HBG2: variants seen among roughly 807,000 people sequenced by gnomAD.
HBG2 encodes the protein hemoglobin subunit gamma-2.
For missense variants in HBG2, 59 were observed against 155.7 expected (o/e 0.38, Z 3.31); for synonymous variants, 25 against 63.2 (o/e 0.40, Z 2.87).
At position 5,253,490 on chromosome 11, in the gene HBG2, C is replaced by A. The variant is rs113425530; in HGVS notation, c.316-85G>T. The A allele has an allele frequency of 0.024, 29,576 of 1,256,642 alleles. 870 individuals carry two copies. In the African/African-American group the frequency reaches 0.29, roughly 12 times the overall value. 77.8% of individuals were successfully genotyped at this position (1,256,642 alleles called of 1,614,324 possible). A position where few individuals can be genotyped will look rare whatever the true frequency, so the allele number is the denominator to read the frequency against. ...GGCCTCCAGATAACTACACACCAAGCTTCCACCCAGAATCAAGCCTATGTT... is the reference window on the plus strand; with the variant it reads ...GGCCTCCAGATAACTACACACCAAGATTCCACCCAGAATCAAGCCTATGTT... On this transcript the variant is annotated intron_variant, in intron 2 of 2. Transcript: ENST00000336906.
rs765691029 is a variant in HBG2 at position 5,253,363 on chromosome 11, C to T, written c.358G>A (p.Gly120Ser). 4.6e-5 allele frequency: 74 copies of T among 1,613,494 alleles called. No homozygotes were observed. The highest frequency in any genetic ancestry group is 6.0e-5 in the Non-Finnish European group (71 of 1,179,724). ...TGCACCTCAGGGGTGAATTCTTTGC[C>T]GAAATGGATTGCCAAAACGGTCACC... is the stretch of plus-strand genomic sequence containing the variant. ...VLVTVLAIHF[G>S]KEFTPEVQAS... The change falls in exon 3 of 3, where the codon GGC becomes AGC. Residue 120 changes from glycine (G) to serine (S), a missense_variant. Coordinates refer to ENST00000336906, the MANE Select transcript of HBG2 (RefSeq NM_000184.3).
intron 2 of HBG2, among the ~76,000 whole-genome samples, chr11:5,253,698 GCACA>G (rs1554922324): frequency 9.7e-5 from 13 of 134,552 alleles, no homozygotes; most frequent in South Asian, 5.0e-4. Flanking sequence ...ACACACGCGC[GCACA>G]CACACACACA....
At chr11:5,254,245 T>A in intron 2 of HBG2, 47 bp downstream of exon 2, 3 of 1,613,594 alleles carry the variant, frequency 1.9e-6, no homozygotes, top group Non-Finnish European at 2.5e-6. Flanking sequence ...TTGTCTAAGT[T>A]GCCTCGAGAC....
chr11:5,253,230 G>C lies in HBG2; in HGVS notation c.*47C>G, dbSNP rs1395104494. On this transcript the variant is annotated 3_prime_UTR_variant, in exon 3 of 3. Coordinates refer to ENST00000336906, the MANE Select transcript of HBG2 (RefSeq NM_000184.3). ...GAATAGATTTATTATTTGATTGCTTGCAGAATAAAGCCTATCCTTGAAAGC... is the reference window on the plus strand; with the variant it reads ...GAATAGATTTATTATTTGATTGCTTCCAGAATAAAGCCTATCCTTGAAAGC... 68 of 1,610,694 alleles carry C rather than the reference G, an allele frequency of 4.2e-5. No homozygotes were observed. The highest frequency in any genetic ancestry group is 5.4e-5 in the Non-Finnish European group (63 of 1,177,078).
At position 5,254,358 on chromosome 11, in the gene HBG2, C is replaced by G. The variant is rs1417836676; in HGVS notation, c.249G>C (p.Lys83Asn). 1 of 1,614,190 alleles carries G rather than the reference C, an allele frequency of 6.2e-7. No homozygotes were observed. Among genetic ancestry groups the G allele is most frequent in the South Asian group, 1.1e-5 (1 of 91,092 alleles). ...GTTCACTCAGCTGGGCAAAGGTGCC[C>G]TTGAGATCATCCAGGTGCTTTATGG... ...GDAIKHLDDLKGTFAQLSELH... is the reference protein window; with the variant it reads ...GDAIKHLDDLNGTFAQLSELH... The change falls in exon 2 of 3, where the codon AAG becomes AAC. Residue 83 changes from lysine to asparagine, a missense_variant. Transcript: ENST00000336906.
At position 5,254,429 on chromosome 11, in the gene HBG2, T is replaced by C. The variant is rs28933078; in HGVS notation, c.178A>G (p.Lys60Glu). The C allele has an allele frequency of 4.3e-6, 7 of 1,614,162 alleles. No homozygotes were observed. The highest frequency in any genetic ancestry group is 5.9e-6 in the Non-Finnish European group (7 of 1,180,064). The change falls in exon 2 of 3, where the codon AAA (lysine) becomes GAA (glutamate). Residue 60 changes from lysine to glutamate, a missense_variant. Physicochemically the swap from Lys to Glu is moderately conservative, Grantham distance 56. Transcript: ENST00000336906. ...ACCTTCTTGCCATGTGCCTTGACTTTGGGGTTGCCCATGATGGCAGAGGCA... is the reference window on the plus strand; with the variant it reads ...ACCTTCTTGCCATGTGCCTTGACTTCGGGGTTGCCCATGATGGCAGAGGCA... ...SSASAIMGNP[K>E]VKAHGKKVLT...
rs1390974131 is a variant in HBG2, at chr11:5,254,193, T to C, written c.315+99A>G. The C allele has an allele frequency of 2.0e-6, 3 of 1,513,702 alleles. No homozygotes were observed. The East Asian group carries it at 6.8e-5, about 34-fold the overall frequency. 93.8% of individuals were successfully genotyped at this position (1,513,702 alleles called of 1,614,324 possible). A position where few individuals can be genotyped will look rare whatever the true frequency, so the allele number is the denominator to read the frequency against. On this transcript the variant is annotated intron_variant, in intron 2 of 2. Transcript: ENST00000336906. ...TTTCTTCACTCCCAACCCCAGTATC[T>C]TCAAACAGCTCACACCCTGCTGTGC...
At position 5,254,152 on chromosome 11, in the gene HBG2, A is replaced by G. The variant is rs551383940; in HGVS notation, c.315+140T>C. ...AAACATTGCCACTGGGTCTCAGCCC[A>G]GTTAGTCCTCTGCAGTTTCTTCACT... is the stretch of plus-strand genomic sequence containing the variant. On this transcript the variant is annotated intron_variant, in intron 2 of 2. Coordinates refer to ENST00000336906, the MANE Select transcript of HBG2 (RefSeq NM_000184.3). 150 of 1,047,474 alleles carry G rather than the reference A, an allele frequency of 1.4e-4. 6 individuals are homozygous for G. In the South Asian group the frequency reaches 1.9e-3, roughly 14 times the overall value. 64.9% of individuals were successfully genotyped at this position (1,047,474 alleles called of 1,614,324 possible). A position where few individuals can be genotyped will look rare whatever the true frequency, so the allele number is the denominator to read the frequency against.
intron 2 of HBG2, among the ~76,000 whole-genome samples, chr11:5,253,772 C>G (rs1245901287): frequency 6.6e-6 from 1 of 151,160 alleles, no homozygotes; most frequent in African/African-American, 2.4e-5. Context: ...TGTTCCTCAC[C>G]CCTGGACATA....
Position 5,254,625 on chromosome 11 carries a change from AC to A in HBG2, c.92+11del, listed in dbSNP as rs1406103539. On this transcript the variant is annotated intron_variant, in intron 1 of 2. Transcript: ENST00000336906. The stretch of plus-strand genomic sequence containing the variant: ...CTTCCTTCCCTCCCTTGTCCTGGTC[AC>A]CAGAGCCTACCTTCCCAGGGTTTCT... 1 of 1,055,684 alleles carries A rather than the reference AC, an allele frequency of 9.5e-7. No individual in the cohort carries two copies. The highest frequency in any genetic ancestry group is 1.4e-6 in the Non-Finnish European group (1 of 704,574). 65.4% of individuals were successfully genotyped at this position (1,055,684 alleles called of 1,614,324 possible). A position where few individuals can be genotyped will look rare whatever the true frequency, so the allele number is the denominator to read the frequency against.
intron 2 of HBG2, among the ~76,000 whole-genome samples, chr11:5,254,036 A>C (rs112013786): frequency 1.3e-4 from 19 of 151,968 alleles, no homozygotes; most frequent in African/African-American, 4.6e-4. Context: ...CCGAAATCTA[A>C]TAAAGAAAAG....
In HBG2 at chr11:5,253,342, C is replaced by T. The variant is rs775590225; in HGVS notation, c.379G>A (p.Val127Met). Residue 127 changes from valine to methionine, a missense_variant, in exon 3 of 3, where the codon GTG becomes ATG. Physicochemically the swap from Val to Met is conservative, Grantham distance 21. Transcript: ENST00000336906. ...ACCATCTTCTGCCAGGAAGCCTGCA[C>T]CTCAGGGGTGAATTCTTTGCCGAAA... ...IHFGKEFTPE[V>M]QASWQKMVTG... The T allele has an allele frequency of 6.2e-7, 1 of 1,613,998 alleles. No individual in the cohort carries two copies. Among genetic ancestry groups the T allele is most frequent in the South Asian group, 1.1e-5 (1 of 91,068 alleles).
intron 2 of HBG2, among the ~76,000 whole-genome samples, chr11:5,254,070 CT>C (rs1847987695): frequency 6.6e-6 from 1 of 151,872 alleles, no homozygotes; most frequent in Admixed American, 6.6e-5. Flanking sequence ...TTCCACCTCT[CT>C]TTTCTCAAAG....
chr11:5,253,352 G>A lies in HBG2; in HGVS notation c.369C>T (p.Phe123=). 1 of 1,613,864 alleles carries A rather than the reference G, an allele frequency of 6.2e-7. No homozygotes were observed. Among genetic ancestry groups the A allele is most frequent in the Non-Finnish European group, 8.5e-7 (1 of 1,179,832 alleles). ...GCCAGGAAGCCTGCACCTCAGGGGT[G>A]AATTCTTTGCCGAAATGGATTGCCA... is the stretch of plus-strand genomic sequence containing the variant. ...TVLAIHFGKE[F]TPEVQASWQK... is the part of the protein sequence containing the mutation. Residue 123 remains phenylalanine (F), a synonymous_variant, in exon 3 of 3, where the codon TTC becomes TTT. Coordinates refer to ENST00000336906, the MANE Select transcript of HBG2 (RefSeq NM_000184.3).
At chr11:5,254,082 T>C (rs187646134) in intron 2 of HBG2, among the ~76,000 whole-genome samples, 207 of 151,906 alleles carry the variant, frequency 1.4e-3, no homozygotes, top group African/African-American at 4.9e-3. Flanking sequence ...TTTCTCAAAG[T>C]CAAAGTTGTC....
Position 5,254,504 on chromosome 11 carries a change from C to T in HBG2, c.103G>A (p.Val35Ile), listed in dbSNP as rs35885783. ...AAGAACCTCTGGGTCCATGGGTAGA[C>T]AACCAGGAGCCTGTGAGATTGACAA... ...GGETLGRLLVVYPWTQRFFDS... is the reference protein window; with the variant it reads ...GGETLGRLLVIYPWTQRFFDS... The change falls in exon 2 of 3, where the codon GTC becomes ATC. Residue 35 changes from valine to isoleucine, a missense_variant. By Grantham distance (29) the Val-to-Ile change is conservative. Transcript: ENST00000336906. The T allele has an allele frequency of 1.2e-5, 20 of 1,612,916 alleles. No individual in the cohort carries two copies. In the East Asian group the frequency reaches 4.0e-4, roughly 32 times the overall value.
At chr11:5,253,490 C>T in intron 2 of HBG2, 85 bp from the exon 3 acceptor site, 1 of 1,256,764 alleles carries the variant, frequency 8.0e-7, no homozygotes, top group East Asian at 2.4e-5. Flanking sequence ...ACACACCAAG[C>T]TTCCACCCAG....
chr11:5,253,535 G>A (rs889840245), intron 2 of HBG2, 130 bp from the exon 3 acceptor site: 3 of 1,206,322 alleles, frequency 2.5e-6, no homozygotes, highest in Non-Finnish European at 3.7e-6. Context: ...CAAAGCCTGA[G>A]ATTTTGCTTT....
Position 5,254,506 on chromosome 11 carries a change from AC to A in HBG2, c.100del (p.Val34LeufsTer36). The A allele has an allele frequency of 2.5e-6, 4 of 1,612,852 alleles. No individual in the cohort carries two copies. Among genetic ancestry groups the A allele is most frequent in the Non-Finnish European group, 3.4e-6 (4 of 1,179,242 alleles). The part of the protein sequence containing the change: ...AGGETLGRLL[V>X]VYPWTQRFFD... ...GAACCTCTGGGTCCATGGGTAGACA[AC>A]CAGGAGCCTGTGAGATTGACAAGAA... On this transcript the variant is annotated frameshift_variant, in exon 2 of 3. Transcript: ENST00000336906. LOFTEE classifies it high-confidence loss of function.
Sources: gnomAD v4.1 joint callset for allele counts (sites outside exome capture counted in the v4.1 genomes callset) on GRCh38, gnomAD v4.1.1 for gene constraint, MANE v1.5 for transcripts, NCBI Gene and HGNC (gene_info 2026-07-23, HGNC 2026-07-21) for gene names.